The following VWC2 variants were observed in gnomAD, a reference collection of about 807,000 sequenced individuals.
The protein encoded by VWC2 is von Willebrand factor C domain containing 2, also known as brorin.
VWC2 carries 14 observed loss-of-function variants against 29.8 expected under a neutral mutation model. That is an observed-to-expected ratio of 0.47 (90% CI 0.31 to 0.74). The LOEUF is 0.74. Among genes scored for constraint, VWC2 ranks in the 30% least tolerant of loss-of-function variants. The probability of loss-of-function intolerance (pLI) is 0.05; values close to 1 mark genes in which losing one functional copy is unlikely to be tolerated. For missense variants in VWC2, 457 were observed against 459.8 expected, an observed-to-expected ratio of 0.99 and a Z score of 0.05; for synonymous variants, 213 against 199.0, an observed-to-expected ratio of 1.07 and a Z score of -0.59.
At chr7:49,811,105 A>G (rs1187816952) in intron 3 of VWC2, among the ~76,000 whole-genome samples, 1 of 152,134 alleles carries the variant, frequency 6.6e-6, no homozygotes, top group East Asian at 1.9e-4. Flanking sequence ...AACATTTGTA[A>G]ATCATGTGTC....
chr7:49,820,821 C>T (rs1302039145), intron 3 of VWC2, among the ~76,000 whole-genome samples: 1 of 152,186 alleles, frequency 6.6e-6, no homozygotes, highest in Non-Finnish European at 1.5e-5. Flanking sequence ...CATTGACAGT[C>T]ATCCCTCATA....
intron 3 of VWC2, among the ~76,000 whole-genome samples, chr7:49,901,890 G>A (rs1267325123): frequency 2.0e-5 from 3 of 152,010 alleles, no homozygotes; most frequent in Admixed American, 6.6e-5. Context: ...TGCTAACACT[G>A]TTAGCTAACA....
In VWC2 at chr7:49,846,081, CT is replaced by C. The variant is rs1562728158; in HGVS notation, c.826+43248del. On this transcript the variant is annotated intron_variant, in intron 3 of 3. Transcript: ENST00000340652. Reference sequence around the variant, plus strand: ...CAGGCAGCTTCAAAAATAAACATTGCTTTTTTTGGATGATATCACATTGCTT... The same window carrying C: ...CAGGCAGCTTCAAAAATAAACATTGCTTTTTTGGATGATATCACATTGCTT... Among the ~76,000 whole-genome samples, 17 of 152,236 alleles carry C rather than the reference CT, an allele frequency of 1.1e-4. 1 individual carries two copies. In the South Asian group the frequency reaches 3.5e-3, roughly 32 times the overall value.
intron 3 of VWC2, among the ~76,000 whole-genome samples, chr7:49,870,818 C>T (rs1791118672): frequency 6.6e-6 from 1 of 152,162 alleles, no homozygotes; most frequent in South Asian, 2.1e-4. Flanking sequence ...GACTGTGTAC[C>T]TCATTTATAC....
chr7:49,773,959 G>A lies in VWC2; in HGVS notation c.-258G>A, dbSNP rs1165627817. The A allele has an allele frequency of 1.3e-5, 2 of 152,048 alleles. No homozygotes were observed. The highest frequency in any genetic ancestry group is 2.4e-5 in the African/African-American group (1 of 41,432). 9.4% of individuals were successfully genotyped at this position (152,048 alleles called of 1,614,324 possible). ...ACGCCCTAGCCCGGTGTGCGCGCCAGGCGGAGCGCGCAGGTGGGGCTGGGC... is the reference window on the plus strand; with the variant it reads ...ACGCCCTAGCCCGGTGTGCGCGCCAAGCGGAGCGCGCAGGTGGGGCTGGGC... On this transcript the variant is annotated 5_prime_UTR_variant, in exon 1 of 4. Coordinates refer to ENST00000340652, the MANE Select transcript of VWC2 (RefSeq NM_198570.5).
rs1793984153 is a variant in VWC2 at position 49,920,784 on chromosome 7, A to C, written c.*8599A>C. ...CATAAACTCAGTATTTGAAAACTTA[A>C]AAAAAAAGTCATTTTAAATAACATC... On this transcript the variant is annotated 3_prime_UTR_variant, in exon 4 of 4. Coordinates refer to ENST00000340652, the MANE Select transcript of VWC2 (RefSeq NM_198570.5). 6.6e-6 allele frequency: 1 copy of C among 151,930 alleles called. No homozygotes were observed. The allele number at this position is 151,930 out of a possible 1,614,324, so 9.4% of individuals were successfully genotyped here. A position where few individuals can be genotyped will look rare whatever the true frequency, so the allele number is the denominator to read the frequency against.
At chr7:49,848,717 G>A (rs1046338005) in intron 3 of VWC2, among the ~76,000 whole-genome samples, 13 of 152,156 alleles carry the variant, frequency 8.5e-5, no homozygotes, top group African/African-American at 2.2e-4. Flanking sequence ...ACATTTTTGT[G>A]TTTTGTATGA....
chr7:49,843,564 A>C lies in VWC2; in HGVS notation c.826+40724A>C, dbSNP rs577879651. Among the ~76,000 whole-genome samples, 155 of 152,310 alleles carry C rather than the reference A, an allele frequency of 1.0e-3. 1 individual carries two copies. The highest frequency in any genetic ancestry group is 3.7e-3 in the African/African-American group (154 of 41,560). ...AAAAACAAACACCAAACAAAAAACT[A>C]ATCATTCAATGAATGATTTTAGTTT... On this transcript the variant is annotated intron_variant, in intron 3 of 3. Coordinates refer to ENST00000340652, the MANE Select transcript of VWC2 (RefSeq NM_198570.5).
chr7:49,822,959 C>T (rs149396999), intron 3 of VWC2, among the ~76,000 whole-genome samples: 49 of 152,284 alleles, frequency 3.2e-4, no homozygotes, highest in African/African-American at 1.1e-3. Context: ...AATAATGCTC[C>T]TGTGAGCTTT....
At chr7:49,795,906 T>C (rs1022940154) in intron 2 of VWC2, among the ~76,000 whole-genome samples, 22 of 152,290 alleles carry the variant, frequency 1.4e-4, no homozygotes, top group Admixed American at 5.9e-4. Context: ...ACCTCAGTGA[T>C]AGATCATCTG....
chr7:49,862,513 G>A (rs2128720649), intron 3 of VWC2, among the ~76,000 whole-genome samples: 1 of 152,186 alleles, frequency 6.6e-6, no homozygotes, highest in Non-Finnish European at 1.5e-5. Context: ...GAATAGCAGT[G>A]GTGAAATTGG....
At chr7:49,829,862 G>A (rs1298186335) in intron 3 of VWC2, among the ~76,000 whole-genome samples, 1 of 152,202 alleles carries the variant, frequency 6.6e-6, no homozygotes, top group African/African-American at 2.4e-5. Flanking sequence ...TGTTAGGATG[G>A]GAATGGCCAT....
chr7:49,819,657 T>C (rs1789222636), intron 3 of VWC2, among the ~76,000 whole-genome samples: 1 of 152,142 alleles, frequency 6.6e-6, no homozygotes, highest in African/African-American at 2.4e-5. Flanking sequence ...CTCAAAGAGG[T>C]GGCTTTGAAT....
intron 3 of VWC2, among the ~76,000 whole-genome samples, chr7:49,858,513 C>T (rs983406365): frequency 2.1e-5 from 3 of 141,176 alleles, no homozygotes; most frequent in African/African-American, 5.3e-5. Context: ...AATGACAACA[C>T]ACGGACACAG....
chr7:49,809,564 C>A (rs1357023379), intron 3 of VWC2, among the ~76,000 whole-genome samples: 2 of 151,792 alleles, frequency 1.3e-5, no homozygotes, highest in East Asian at 3.9e-4. Flanking sequence ...AAACACCCCA[C>A]AAAAAAGAAA....
rs572033369 is a variant in VWC2 at position 49,823,938 on chromosome 7, T to C, written c.826+21098T>C. Among the ~76,000 whole-genome samples the C allele has an allele frequency of 5.9e-5, 9 of 152,324 alleles. No individual in the cohort carries two copies. In the South Asian group the frequency reaches 1.2e-3, roughly 21 times the overall value. On this transcript the variant is annotated intron_variant, in intron 3 of 3. Transcript: ENST00000340652. Reference sequence around the variant, plus strand: ...CAAATCTTTGGCTCATTCTTTATTGTTATTCTTTTTATTGTTATTGTTATT... The same window carrying C: ...CAAATCTTTGGCTCATTCTTTATTGCTATTCTTTTTATTGTTATTGTTATT...
chr7:49,897,704 G>A (rs1792458682), intron 3 of VWC2, among the ~76,000 whole-genome samples: 1 of 152,198 alleles, frequency 6.6e-6, no homozygotes. Context: ...AGCTCCATGG[G>A]AACCAGTATT....
At chr7:49,780,986 C>G (rs554018929) in intron 2 of VWC2, among the ~76,000 whole-genome samples, 1 of 152,176 alleles carries the variant, frequency 6.6e-6, no homozygotes, top group African/African-American at 2.4e-5. Context: ...TGAGAAAGTG[C>G]CAGCAAAGAG....
Position 49,775,752 on chromosome 7 carries a change from C to T in VWC2, c.317C>T (p.Ala106Val). The T allele has an allele frequency of 6.6e-7, 1 of 1,512,844 alleles. No homozygotes were observed. The highest frequency in any genetic ancestry group is 8.8e-7 in the Non-Finnish European group (1 of 1,133,420). The allele number at this position is 1,512,844 out of a possible 1,614,324, so 93.7% of individuals were successfully genotyped here. Residue 106 changes from alanine to valine, a missense_variant, in exon 2 of 4, where the codon GCC becomes GTC. Coordinates refer to ENST00000340652, the MANE Select transcript of VWC2 (RefSeq NM_198570.5). ...GTCTCCCAGGGCGGGGGCGCCAAGG[C>T]CGGGGATCTGCAGGTCCGGCCCCGC... is the stretch of plus-strand genomic sequence containing the variant. ...AWVSQGGGAKAGDLQVRPRGD... is the reference protein window; with the variant it reads ...AWVSQGGGAKVGDLQVRPRGD...
Sources: gnomAD v4.1 joint callset for allele counts (sites outside exome capture counted in the v4.1 genomes callset) on GRCh38, gnomAD v4.1.1 for gene constraint, MANE v1.5 for transcripts, NCBI Gene and HGNC (gene_info 2026-07-23, HGNC 2026-07-21) for gene names.